TTC6: variants seen among roughly 807,000 people sequenced by gnomAD.
TTC6 encodes the protein tetratricopeptide repeat protein 6.
In TTC6, 172 loss-of-function variants were observed where a neutral mutation model predicts 210.4. That is an observed-to-expected ratio of 0.82 (90% CI 0.72 to 0.93). TTC6 has a LOEUF of 0.93. Among genes scored for constraint, TTC6 ranks in the 40% least tolerant of loss-of-function variants. The pLI, the probability that TTC6 is intolerant of heterozygous loss-of-function variation, is 0.00. For synonymous variants in TTC6, 804 were observed against 819.6 expected, an observed-to-expected ratio of 0.98 and a Z score of 0.32; for missense variants, 2,414 against 2,318.1, an observed-to-expected ratio of 1.04 and a Z score of -0.85.
At position 37,751,035 on chromosome 14, in the gene TTC6, CTT is replaced by C. The variant is rs1261140134; in HGVS notation, c.2957-14_2957-13del. 6.7e-7 allele frequency: 1 copy of C among 1,485,104 alleles called. No individual in the cohort carries two copies. Among genetic ancestry groups the C allele is most frequent in the Non-Finnish European group, 9.0e-7 (1 of 1,115,222 alleles). The allele number at this position is 1,485,104 out of a possible 1,614,324, so 92.0% of individuals were successfully genotyped here. ...AAAGGATTATAACTCCAAATTTTAT[CTT>C]TTTAATTTTCTTTAGAGGCATATTT... On this transcript the variant is annotated splice_polypyrimidine_tract_variant and intron_variant, in intron 12 of 30. Transcript: ENST00000553443.
At chr14:37,659,009 T>C (rs1180551093) in intron 1 of TTC6, among the ~76,000 whole-genome samples, 1 of 152,208 alleles carries the variant, frequency 6.6e-6, no homozygotes. Flanking sequence ...AGCTCCAACT[T>C]ACAAGTGAGA....
At chr14:37,812,493 A>G in intron 25 of TTC6, 60 bp downstream of exon 27, 1 of 1,459,006 alleles carries the variant, frequency 6.9e-7, no homozygotes, top group Non-Finnish European at 9.1e-7. Flanking sequence ...AGAACTAGTG[A>G]ACAAGATTTT....
intron 20 of TTC6, among the ~76,000 whole-genome samples, chr14:37,797,619 A>C (rs1194819359): frequency 6.6e-6 from 1 of 151,910 alleles, no homozygotes; most frequent in Non-Finnish European, 1.5e-5. Context: ...TCTGATGAAC[A>C]AAACTTCTAA....
chr14:37,643,803 C>A (rs985499028), intron 1 of TTC6, among the ~76,000 whole-genome samples: 12 of 152,126 alleles, frequency 7.9e-5, no homozygotes, highest in Admixed American at 4.6e-4. Flanking sequence ...ATCTCTTAAT[C>A]ATTGGAAATA....
chr14:37,653,545 T>C (rs1314408476), intron 1 of TTC6, among the ~76,000 whole-genome samples: 6 of 152,234 alleles, frequency 3.9e-5, no homozygotes, highest in African/African-American at 1.2e-4. Context: ...CCTGCTAGCA[T>C]GTTTCATGTT....
At chr14:37,686,578 A>G (rs1595104354) in intron 3 of TTC6, among the ~76,000 whole-genome samples, 1 of 152,320 alleles carries the variant, frequency 6.6e-6, no homozygotes, top group East Asian at 1.9e-4. Flanking sequence ...AAACTGGGAA[A>G]TTTACAAAAG....
rs539447496 is a variant in TTC6, at chr14:37,841,696, A to C, written c.5524+26A>C. On this transcript the variant is annotated intron_variant, in intron 30 of 30. Transcript: ENST00000553443. The stretch of plus-strand genomic sequence containing the variant: ...GTACACTTTTGGTAATTATTCTGGT[A>C]AGATTACAGTGGTTGAAGTGATTAT... 4 of 1,542,062 alleles carry C rather than the reference A, an allele frequency of 2.6e-6. No homozygotes were observed. The South Asian group carries it at 4.7e-5, about 18-fold the overall frequency.
chr14:37,735,601 A>G (rs2095899530), intron 7 of TTC6, among the ~76,000 whole-genome samples: 1 of 152,208 alleles, frequency 6.6e-6, no homozygotes, highest in African/African-American at 2.4e-5. Context: ...TGATATTAAT[A>G]TGCTACATAA....
chr14:37,836,852 T>TA lies in TTC6; in HGVS notation c.5299-4587dup, dbSNP rs988444524. 3.3e-4 allele frequency among the ~76,000 whole-genome samples: 50 copies of TA among 152,298 alleles called. 1 individual carries two copies. Among genetic ancestry groups the TA allele is most frequent in the African/African-American group, 1.2e-3 (48 of 41,558 alleles). On this transcript the variant is annotated intron_variant, in intron 29 of 30. Transcript: ENST00000553443. ...TCTGATCTAATAAACTCTAGAGGGT[T>TA]AAAAAATGTATGTAATCTGGCTTCT...
intron 20 of TTC6, among the ~76,000 whole-genome samples, chr14:37,804,035 T>G (rs2096112913): frequency 6.6e-6 from 1 of 152,186 alleles, no homozygotes; most frequent in Non-Finnish European, 1.5e-5. Context: ...TCTTTTTCAT[T>G]AATGAGACAT....
At chr14:37,796,884 T>C in exon 20 of TTC6, 1 of 1,611,120 alleles carries the variant, frequency 6.2e-7, no homozygotes, top group Non-Finnish European at 8.5e-7. Context: ...TCAGCTGGAA[T>C]AGAGCTGAGA....
chr14:37,622,981 A>G, exon 1 of TTC6: 4 of 1,488,424 alleles, frequency 2.7e-6, no homozygotes, highest in Non-Finnish European at 3.6e-6. Flanking sequence ...GTCCTTGGCC[A>G]GAACTACGAC....
At chr14:37,611,269 C>T (rs35319231) in intron 2 of TTC6, 8,713 of 152,280 alleles carry the variant, frequency 0.057, 382 homozygotes, top group Non-Finnish European at 0.089. Flanking sequence ...CCACCCGGCC[C>T]CTAGGCACAG....
exon 6 of TTC6, chr14:37,714,665 G>C (rs1399948352): frequency 7.8e-6 from 12 of 1,534,812 alleles, no homozygotes; most frequent in African/African-American, 1.4e-5. Context: ...AATATTGTAT[G>C]GAATTCCTGT....
At chr14:37,727,656 A>G (rs927358729) in intron 7 of TTC6, among the ~76,000 whole-genome samples, 5 of 152,048 alleles carry the variant, frequency 3.3e-5, no homozygotes, top group Non-Finnish European at 5.9e-5. Flanking sequence ...TAAAAATAAT[A>G]TAAGTAATTT....
chr14:37,693,336 A>G (rs2095807961), intron 3 of TTC6, among the ~76,000 whole-genome samples: 1 of 152,130 alleles, frequency 6.6e-6, no homozygotes, highest in South Asian at 2.1e-4. Context: ...CTCTATAATA[A>G]AAACTATAAA....
intron 14 of TTC6, among the ~76,000 whole-genome samples, chr14:37,773,026 C>T (rs891436772): frequency 6.6e-5 from 10 of 152,222 alleles, no homozygotes; most frequent in African/African-American, 2.4e-4. Context: ...TTTTCATATG[C>T]TTATTGGCTG....
At chr14:37,799,934 G>A (rs552669880) in intron 20 of TTC6, among the ~76,000 whole-genome samples, 2 of 152,228 alleles carry the variant, frequency 1.3e-5, no homozygotes, top group African/African-American at 4.8e-5. Context: ...CTGCTTGTTC[G>A]TCAACAATAT....
At chr14:37,827,430 T>C in intron 29 of TTC6, 64 bp downstream of exon 31, 8 of 1,479,304 alleles carry the variant, frequency 5.4e-6, no homozygotes, top group Non-Finnish European at 6.5e-6. Context: ...TATATATAGC[T>C]TCAAAGTATA....
Sources: gnomAD v4.1 joint callset for allele counts (sites outside exome capture counted in the v4.1 genomes callset) on GRCh38, gnomAD v4.1.1 for gene constraint, MANE v1.5 for transcripts, NCBI Gene and HGNC (gene_info 2026-07-23, HGNC 2026-07-21) for gene names.